Variants in PRDM11 observed in about 807,000 individuals in gnomAD.
PRDM11 encodes PR domain-containing protein 11.
PRDM11 carries 20 observed loss-of-function variants against 97.8 expected under a neutral mutation model. The ratio of observed to expected loss-of-function variants is 0.20; its 90% CI spans 0.14 to 0.30. The LOEUF (loss-of-function observed/expected upper bound fraction) is 0.30, where lower values mean the gene tolerates loss of function less well. Ranked by LOEUF, PRDM11 falls within the 10% of genes least tolerant of loss-of-function variation. The pLI, the probability that PRDM11 is intolerant of heterozygous loss-of-function variation, is 1.00. For missense variants in PRDM11, 1,139 were observed against 1,555.2 expected (o/e 0.73, Z 4.50); for synonymous variants, 599 against 637.7 (o/e 0.94, Z 0.91).
chr11:45,183,068 C>A lies in PRDM11; in HGVS notation c.431C>A (p.Pro144His). Residue 144 changes from proline to histidine, a missense_variant, in exon 4 of 8, where the codon CCC becomes CAC. Pro to His is a moderately conservative substitution (Grantham distance 77). Coordinates refer to ENST00000683152, the MANE Select transcript of PRDM11 (RefSeq NM_001384648.1). ...ATCCCCAAGGGCCACATCTTCGGCCCCTATGAGGGGCAGATCTCCACCCAG... is the reference window on the plus strand; with the variant it reads ...ATCCCCAAGGGCCACATCTTCGGCCACTATGAGGGGCAGATCTCCACCCAG... ...EVIPKGHIFG[P>H]YEGQISTQDK... 1 of 1,614,004 alleles carries A rather than the reference C, an allele frequency of 6.2e-7. No homozygotes were observed. The highest frequency in any genetic ancestry group is 8.5e-7 in the Non-Finnish European group (1 of 1,180,002).
intron 1 of PRDM11, among the ~76,000 whole-genome samples, chr11:45,111,676 C>A (rs1459274537): frequency 1.3e-5 from 2 of 152,168 alleles, no homozygotes; most frequent in Non-Finnish European, 2.9e-5. Flanking sequence ...CACCTAATAA[C>A]CACATGCACT....
rs370946157 is a variant in PRDM11, at chr11:45,211,256, G to T, written c.554+6478G>T. Reference sequence around the variant, plus strand: ...AGAGACACAGGACTCTTACCAAGCTGGCCCAAGTGAGCCCCCAGGACCCCT... The same window carrying T: ...AGAGACACAGGACTCTTACCAAGCTTGCCCAAGTGAGCCCCCAGGACCCCT... On this transcript the variant is annotated intron_variant, in intron 5 of 7. Transcript: ENST00000683152. Among the ~76,000 whole-genome samples the T allele has an allele frequency of 3.9e-5, 6 of 152,292 alleles. No individual in the cohort carries two copies. The South Asian group carries it at 1.2e-3, about 32-fold the overall frequency.
chr11:45,181,594 C>T (rs1387324046), intron 1 of PRDM11, among the ~76,000 whole-genome samples, 167 bp from the exon 2 acceptor site: 5 of 152,200 alleles, frequency 3.3e-5, no homozygotes, highest in Non-Finnish European at 5.9e-5. Context: ...TCCTCTTGGC[C>T]GGGCTACAGC....
rs1009841022 is a variant in PRDM11, at chr11:45,228,253, T to C, written c.*94T>C. ...TATTATATAAATATATATTATATTA[T>C]ATTATATTATATTATATATATATAT... is the stretch of plus-strand genomic sequence containing the variant. On this transcript the variant is annotated 3_prime_UTR_variant, in exon 8 of 8. Transcript: ENST00000683152. 1 of 293,208 alleles carries C rather than the reference T, an allele frequency of 3.4e-6. No homozygotes were observed. The highest frequency in any genetic ancestry group is 1.6e-4 in the South Asian group (1 of 6,410). The allele number at this position is 293,208 out of a possible 1,614,324, so 18.2% of individuals were successfully genotyped here. A position where few individuals can be genotyped will look rare whatever the true frequency, so the allele number is the denominator to read the frequency against.
Position 45,140,302 on chromosome 11 carries a change from C to T in PRDM11, c.97-41459C>T, listed in dbSNP as rs561345314. Among the ~76,000 whole-genome samples the T allele has an allele frequency of 3.9e-5, 6 of 152,266 alleles. No homozygotes were observed. The East Asian group carries it at 1.2e-3, about 29-fold the overall frequency. On this transcript the variant is annotated intron_variant, in intron 1 of 6. Coordinates refer to the PRDM11 transcript ENST00000530656. ...CTCACTTTACAAATTGAGAGAAAAC[C>T]AGTGAGGCTCTGAGCAGATACAGGA...
At chr11:45,163,692 C>CT (rs1449899059) in intron 1 of PRDM11, among the ~76,000 whole-genome samples, 1 of 152,244 alleles carries the variant, frequency 6.6e-6, no homozygotes, top group Non-Finnish European at 1.5e-5. Flanking sequence ...CTCTCTGGGC[C>CT]TTGGTGCACC....
At chr11:45,225,050 C>T (rs958191284) in intron 7 of PRDM11, 6 of 1,443,696 alleles carry the variant, frequency 4.2e-6, no homozygotes, top group East Asian at 2.5e-5. Flanking sequence ...CATGTGTTGC[C>T]CTTGTATCCT....
chr11:45,192,679 G>C (rs1221205902), intron 4 of PRDM11, among the ~76,000 whole-genome samples: 1 of 152,198 alleles, frequency 6.6e-6, no homozygotes, highest in African/African-American at 2.4e-5. Flanking sequence ...CACCTGAACA[G>C]TGTTAAGTTC....
intron 5 of PRDM11, among the ~76,000 whole-genome samples, chr11:45,205,705 G>A (rs906247411): frequency 6.6e-6 from 1 of 152,178 alleles, no homozygotes; most frequent in African/African-American, 2.4e-5. Flanking sequence ...AAAAAGGAGT[G>A]TGCTGTCTTA....
intron 1 of PRDM11, among the ~76,000 whole-genome samples, chr11:45,171,030 G>A (rs1197703667): frequency 1.3e-5 from 2 of 152,190 alleles, no homozygotes; most frequent in Non-Finnish European, 2.9e-5. Flanking sequence ...TTGCACAGAT[G>A]TCTTGGAGAA....
At position 45,228,014 on chromosome 11, in the gene PRDM11, A is replaced by G; in HGVS notation, c.3389A>G (p.Lys1130Arg). ...CCGCCAATCACCAACTTTGATGCCA[A>G]GCGAGCCCTGGACAGCTGGTTTGAG... Reference protein sequence around the residue: ...NGPPITNFDAKRALDSWFEEK... With the variant: ...NGPPITNFDARRALDSWFEEK... The change falls in exon 8 of 8, where the codon AAG becomes AGG. Residue 1130 changes from lysine (K) to arginine (R), a missense_variant. Coordinates refer to ENST00000683152, the MANE Select transcript of PRDM11 (RefSeq NM_001384648.1). The G allele has an allele frequency of 6.5e-7, 1 of 1,533,784 alleles. No homozygotes were observed. Among genetic ancestry groups the G allele is most frequent in the African/African-American group, 1.4e-5 (1 of 73,032 alleles).
intron 4 of PRDM11, among the ~76,000 whole-genome samples, chr11:45,201,912 G>T (rs1853342972): frequency 6.6e-6 from 1 of 152,094 alleles, no homozygotes; most frequent in Non-Finnish European, 1.5e-5. Context: ...GGCGGAGCTT[G>T]CAGTGAGCCG....
chr11:45,181,544 C>T (rs1359473155), intron 1 of PRDM11, among the ~76,000 whole-genome samples: 1 of 152,336 alleles, frequency 6.6e-6, no homozygotes. Context: ...GCTGGTGGCT[C>T]CAGTCGTCCC....
chr11:45,154,269 T>C (rs1405506216), intron 1 of PRDM11, among the ~76,000 whole-genome samples: 2 of 152,116 alleles, frequency 1.3e-5, no homozygotes, highest in Non-Finnish European at 2.9e-5. Flanking sequence ...GGCGGGAAGA[T>C]CACTGGACCC....
chr11:45,149,715 T>C (rs977104932), intron 1 of PRDM11, among the ~76,000 whole-genome samples: 4 of 152,226 alleles, frequency 2.6e-5, no homozygotes, highest in Non-Finnish European at 5.9e-5. Flanking sequence ...GGCGGGATGG[T>C]GGTGGCTGCT....
At chr11:45,200,986 CTGATGGTGATGG>C (rs886266334) in intron 4 of PRDM11, among the ~76,000 whole-genome samples, 23 of 152,138 alleles carry the variant, frequency 1.5e-4, no homozygotes, top group Admixed American at 2.6e-4. Context: ...ATGTTTACAA[CTGATGGTGATGG>C]TGATGGTGAT....
intron 1 of PRDM11, among the ~76,000 whole-genome samples, chr11:45,174,378 A>G: frequency 6.6e-6 from 1 of 152,194 alleles, no homozygotes; most frequent in East Asian, 1.9e-4. Context: ...CTTATCATGC[A>G]CCCTGTGTGT....
rs939548494 is a variant in PRDM11, at chr11:45,219,508, C to T, written c.555-62C>T. The T allele has an allele frequency of 4.7e-6, 7 of 1,476,526 alleles. No individual in the cohort carries two copies. Among genetic ancestry groups the T allele is most frequent in the African/African-American group, 2.8e-5 (2 of 72,228 alleles). The allele number at this position is 1,476,526 out of a possible 1,614,324, so 91.5% of individuals were successfully genotyped here. A position where few individuals can be genotyped will look rare whatever the true frequency, so the allele number is the denominator to read the frequency against. On this transcript the variant is annotated intron_variant, in intron 5 of 7. Coordinates refer to ENST00000683152, the MANE Select transcript of PRDM11 (RefSeq NM_001384648.1). The surrounding 1 kb of genome is among the most constrained non-coding windows in gnomAD (Gnocchi z 4.2). ...CCACACTTGCCCAGCACTGTGCCGGCACCAGCGGGCACTCAACAAAGGGTG... is the reference window on the plus strand; with the variant it reads ...CCACACTTGCCCAGCACTGTGCCGGTACCAGCGGGCACTCAACAAAGGGTG...
intron 5 of PRDM11, among the ~76,000 whole-genome samples, chr11:45,206,637 G>A (rs1388941922): frequency 2.6e-5 from 4 of 152,342 alleles, no homozygotes; most frequent in Non-Finnish European, 5.9e-5. Flanking sequence ...CAAAAAAGGG[G>A]AGCTATCATC....
Sources: allele counts gnomAD v4.1 joint callset (sites outside exome capture counted in the v4.1 genomes callset), GRCh38; gene constraint gnomAD v4.1.1; non-coding constraint Gnocchi (gnomAD v3.1); transcripts MANE v1.5; gene names NCBI Gene and HGNC (gene_info 2026-07-23, HGNC 2026-07-21).